Variants in PRKG1 observed in about 807,000 individuals in gnomAD.
PRKG1 encodes protein kinase cGMP-dependent 1.
Under a neutral mutation model 88.1 loss-of-function variants are expected in PRKG1, and 35 were observed. The ratio of observed to expected loss-of-function variants is 0.40; its 90% CI spans 0.30 to 0.53. The LOEUF is 0.53. Among genes scored for constraint, PRKG1 ranks in the 20% least tolerant of loss-of-function variants. The probability of loss-of-function intolerance (pLI) is 0.59; values close to 1 mark genes in which losing one functional copy is unlikely to be tolerated. For synonymous variants in PRKG1, 303 were observed against 292.5 expected (o/e 1.04, Z -0.37); for missense variants, 540 against 839.8 (o/e 0.64, Z 4.41).
intron 4 of PRKG1, among the ~76,000 whole-genome samples, chr10:51,858,967 A>G (rs1049803949): frequency 3.9e-5 from 6 of 152,022 alleles, no homozygotes; most frequent in African/African-American, 9.7e-5. Flanking sequence ...CAAGGAGCTG[A>G]TATCAATGGG....
intron 5 of PRKG1, among the ~76,000 whole-genome samples, chr10:52,017,086 G>A (rs999166418): frequency 2.6e-5 from 4 of 152,120 alleles, no homozygotes; most frequent in Non-Finnish European, 5.9e-5. Context: ...AAAAGAGGGA[G>A]TGAAGGCTTG....
At chr10:51,627,974 T>TTC (rs1381170590) in intron 3 of PRKG1, among the ~76,000 whole-genome samples, 1 of 29,098 alleles carries the variant, frequency 3.4e-5, no homozygotes, top group African/African-American at 1.1e-4. Flanking sequence ...TTCTTTCTCT[T>TTC]TCTTTCTTTC....
At chr10:51,568,639 G>A (rs990225083) in intron 3 of PRKG1, 1 of 152,050 alleles carries the variant, frequency 6.6e-6, no homozygotes, top group Non-Finnish European at 1.5e-5. Flanking sequence ...AGTATTGAAT[G>A]TCAAAGGTTA....
chr10:51,554,057 ACG>A (rs1564547346), intron 3 of PRKG1, among the ~76,000 whole-genome samples: 1,336 of 133,106 alleles, frequency 0.01, 71 homozygotes, highest in African/African-American at 0.037. Context: ...CGTATGTGAT[ACG>A]TGTATATATT....
chr10:51,995,933 G>A (rs576547186), intron 5 of PRKG1, among the ~76,000 whole-genome samples: 23 of 152,204 alleles, frequency 1.5e-4, no homozygotes, highest in African/African-American at 5.1e-4. Context: ...GACCCCAAAA[G>A]CACAAGCAAC....
At chr10:52,239,521 T>TG (rs773365492) in intron 9 of PRKG1, among the ~76,000 whole-genome samples, 1 of 56,738 alleles carries the variant, frequency 1.8e-5, no homozygotes, top group Non-Finnish European at 2.9e-5. Context: ...TTCTACAGTG[T>TG]AAAAAAAAAA....
chr10:52,235,359 A>G (rs1840653219), intron 9 of PRKG1, among the ~76,000 whole-genome samples: 1 of 75,188 alleles, frequency 1.3e-5, no homozygotes, highest in Non-Finnish European at 2.5e-5. Flanking sequence ...CAATTAAAAG[A>G]CACAGACTGG....
intron 2 of PRKG1, among the ~76,000 whole-genome samples, chr10:51,378,812 T>A (rs1178911600): frequency 1.3e-5 from 2 of 152,184 alleles, no homozygotes; most frequent in African/African-American, 4.8e-5. Context: ...GGGGGGATTA[T>A]ATGAAAGAAT....
In PRKG1 at chr10:52,171,836, C is replaced by T; in HGVS notation, c.1076+9873C>T. Among the ~76,000 whole-genome samples the T allele has an allele frequency of 2.4e-5, 3 of 123,556 alleles. No homozygotes were observed. The South Asian group carries it at 7.7e-4, about 32-fold the overall frequency. 81.1% of individuals were successfully genotyped at this position (123,556 alleles called of 152,430 possible). A position where few individuals can be genotyped will look rare whatever the true frequency, so the allele number is the denominator to read the frequency against. Reference sequence around the variant, plus strand: ...TTTGAGACGGAGTCTCGCTCTGTCGCCCAGGTCGGACTGCGGACTGCAGTG... The same window carrying T: ...TTTGAGACGGAGTCTCGCTCTGTCGTCCAGGTCGGACTGCGGACTGCAGTG... On this transcript the variant is annotated intron_variant, in intron 9 of 17. Coordinates refer to ENST00000373980, the MANE Select transcript of PRKG1 (RefSeq NM_006258.4).
At chr10:51,446,666 A>G (rs750946943) in intron 2 of PRKG1, among the ~76,000 whole-genome samples, 1 of 152,058 alleles carries the variant, frequency 6.6e-6, no homozygotes, top group Non-Finnish European at 1.5e-5. Flanking sequence ...GGTCCTTGCT[A>G]ATTAGATGTG....
chr10:52,282,473 G>A (rs1205269996), intron 14 of PRKG1, among the ~76,000 whole-genome samples, 157 bp downstream of exon 14: 1 of 152,048 alleles, frequency 6.6e-6, no homozygotes, highest in Non-Finnish European at 1.5e-5. Flanking sequence ...AATTCATAAT[G>A]TAAGGTATAA....
chr10:51,489,017 G>A lies in PRKG1; in HGVS notation c.592+21181G>A, dbSNP rs201613134. Reference sequence around the variant, plus strand: ...AAACAAAACAAAAAAACTGCCGTTGGCAGGATGTCAAGGTATTAGAGTCAT... The same window carrying A: ...AAACAAAACAAAAAAACTGCCGTTGACAGGATGTCAAGGTATTAGAGTCAT... On this transcript the variant is annotated intron_variant, in intron 3 of 17. Coordinates refer to ENST00000373980, the MANE Select transcript of PRKG1 (RefSeq NM_006258.4). 1.7e-4 allele frequency among the ~76,000 whole-genome samples: 26 copies of A among 152,280 alleles called. No homozygotes were observed. In the East Asian group the frequency reaches 3.3e-3, roughly 19 times the overall value.
Position 52,250,281 on chromosome 10 carries a change from C to A in PRKG1, c.1077-1289C>A, listed in dbSNP as rs114085551. Among the ~76,000 whole-genome samples, 848 of 152,166 alleles carry A rather than the reference C, an allele frequency of 5.6e-3. 8 individuals carry two copies. Among genetic ancestry groups the A allele is most frequent in the African/African-American group, 0.019 (808 of 41,500 alleles). On this transcript the variant is annotated intron_variant, in intron 9 of 17. Coordinates refer to ENST00000373980, the MANE Select transcript of PRKG1 (RefSeq NM_006258.4). ...AGGGAGTTGATTTCACATAATTAGC[C>A]AATAATGGAAAACAATGTTGTTTTT...
At chr10:51,695,774 A>C (rs1841273846) in intron 3 of PRKG1, 1 of 152,210 alleles carries the variant, frequency 6.6e-6, no homozygotes, top group South Asian at 2.1e-4. Context: ...TAGGGATGAA[A>C]ACCTTGCAAA....
At chr10:51,343,235 T>C (rs2132550627) in intron 2 of PRKG1, among the ~76,000 whole-genome samples, 1 of 152,296 alleles carries the variant, frequency 6.6e-6, no homozygotes, top group East Asian at 1.9e-4. Context: ...ATCCCCACTA[T>C]CACCTGACTT....
Position 51,728,449 on chromosome 10 carries a change from C to CTTTTTT in PRKG1, c.593-76133_593-76132insTTTTTT, listed in dbSNP as rs201683049. ...AAACAATAGCAAAATTCCATTTTTT[C>CTTTTTT]TTTGTTTTTTTTTTTTTTTTTTTTT... On this transcript the variant is annotated intron_variant, in intron 3 of 17. Coordinates refer to ENST00000373980, the MANE Select transcript of PRKG1 (RefSeq NM_006258.4). 8.6e-4 allele frequency among the ~76,000 whole-genome samples: 50 copies of CTTTTTT among 57,904 alleles called. 1 individual carries two copies. Among genetic ancestry groups the CTTTTTT allele is most frequent in the African/African-American group, 1.0e-3 (15 of 14,564 alleles). The allele number at this position is 57,904 out of a possible 152,430, so 38.0% of individuals were successfully genotyped here. A position where few individuals can be genotyped will look rare whatever the true frequency, so the allele number is the denominator to read the frequency against.
At chr10:51,960,263 C>T (rs1843414880) in intron 5 of PRKG1, among the ~76,000 whole-genome samples, 1 of 152,028 alleles carries the variant, frequency 6.6e-6, no homozygotes, top group African/African-American at 2.4e-5. Context: ...CCTGCTCTAA[C>T]AGGCACTTGA....
intron 1 of PRKG1, among the ~76,000 whole-genome samples, chr10:51,118,075 A>G (rs181952390): frequency 3.0e-4 from 46 of 152,282 alleles, no homozygotes; most frequent in African/African-American, 1.0e-3. Flanking sequence ...GTTGAATTAC[A>G]TGGCATTGGA....
At chr10:52,126,853 C>A (rs1847942758) in intron 7 of PRKG1, among the ~76,000 whole-genome samples, 1 of 152,064 alleles carries the variant, frequency 6.6e-6, no homozygotes, top group South Asian at 2.1e-4. Context: ...CAGTATAGTG[C>A]CTGGAAAGGT....
Sources: gnomAD v4.1 joint callset for allele counts (sites outside exome capture counted in the v4.1 genomes callset) on GRCh38, gnomAD v4.1.1 for gene constraint, MANE v1.5 for transcripts, NCBI Gene and HGNC (gene_info 2026-07-23, HGNC 2026-07-21) for gene names.